NEMP2: variants seen among roughly 807,000 people sequenced by gnomAD.
NEMP2 encodes nuclear envelope integral membrane protein 2.
NEMP2 carries 53 observed loss-of-function variants against 54.2 expected under a neutral mutation model. That is an observed-to-expected ratio of 0.98 (90% CI 0.78 to 1.23). NEMP2 has a LOEUF of 1.23. Among genes scored for constraint, NEMP2 ranks in the 50% most tolerant of loss-of-function variants. The pLI, the probability that NEMP2 is intolerant of heterozygous loss-of-function variation, is 0.00. For synonymous variants in NEMP2, 197 were observed against 190.3 expected, an observed-to-expected ratio of 1.04 and a Z score of -0.29; for missense variants, 455 against 511.3, an observed-to-expected ratio of 0.89 and a Z score of 1.06.
the NEMP2 span, among the ~76,000 whole-genome samples, chr2:190,593,349 A>G: frequency 1.4e-4 from 22 of 152,320 alleles, no homozygotes; most frequent in East Asian, 3.3e-3. The surrounding 1 kb of genome is among the most constrained non-coding windows in gnomAD (Gnocchi z 4.5). Flanking sequence ...AAGGTGAGCA[A>G]TGGAGGCCAG....
the NEMP2 span, chr2:190,608,701 T>C: frequency 1.3e-5 from 2 of 152,162 alleles, no homozygotes; most frequent in South Asian, 4.1e-4. The surrounding 1 kb of genome is among the most constrained non-coding windows in gnomAD (Gnocchi z 4.9). Flanking sequence ...CTGAAAAATA[T>C]ATAAATTACT....
In NEMP2 at chr2:190,510,425, G is replaced by A. The variant is rs561864691; in HGVS notation, c.1066C>T (p.Arg356Trp). Residue 356 changes from arginine to tryptophan, a missense_variant, in exon 8 of 9, where the codon CGG becomes TGG. Transcript: ENST00000409150. The surrounding 1 kb of genome is among the most constrained non-coding windows in gnomAD (Gnocchi z 5.7). ...GGAAAGTCGGGTTTTCGGCAGGCCC[G>A]GCGTAGCTCCTCCAGAGCACTGTTC... ...ETNSALEELR[R>W]ACRKPDFPSW... 6.4e-5 allele frequency: 100 copies of A among 1,551,694 alleles called. No homozygotes were observed. The highest frequency in any genetic ancestry group is 9.5e-5 in the South Asian group (8 of 84,044).
At chr2:190,561,399 G>A in the NEMP2 span, among the ~76,000 whole-genome samples, 1 of 152,132 alleles carries the variant, frequency 6.6e-6, no homozygotes, top group East Asian at 1.9e-4. The surrounding 1 kb of genome is among the most constrained non-coding windows in gnomAD (Gnocchi z 5.4). Context: ...ACTTCCAGAG[G>A]CTAGAAGTCC....
the NEMP2 span, among the ~76,000 whole-genome samples, chr2:190,497,141 G>A: frequency 2.0e-5 from 3 of 152,026 alleles, no homozygotes; most frequent in Non-Finnish European, 2.9e-5. This position sits in a 1 kb window ranked among gnomAD's most constrained non-coding sequence, Gnocchi z 5.2. Context: ...ATGGGCCTAA[G>A]GCAACACTCA....
chr2:190,510,394 C>T lies in NEMP2; in HGVS notation c.1097G>A (p.Trp366Ter). The T allele has an allele frequency of 6.4e-7, 1 of 1,551,690 alleles. No homozygotes were observed. Among genetic ancestry groups the T allele is most frequent in the South Asian group, 1.2e-5 (1 of 84,070 alleles). Residue 366 changes from tryptophan (W) to a stop codon, truncating the protein, a stop_gained, in exon 8 of 9, where the codon TGG (tryptophan) becomes TAG (stop). Coordinates refer to ENST00000409150, the MANE Select transcript of NEMP2 (RefSeq NM_001142645.2). LOFTEE classifies it high-confidence loss of function. This position sits in a 1 kb window ranked among gnomAD's most constrained non-coding sequence, Gnocchi z 5.7. ...AGTGTGGAGTCTGGAGACGACCAGC[C>T]ATGAGGGAAAGTCGGGTTTTCGGCA... ...RACRKPDFPS[W>*]LVVSRLHTPS...
At chr2:190,435,777 G>C in the NEMP2 span, 1 of 420,532 alleles carries the variant, frequency 2.4e-6, no homozygotes, top group Non-Finnish European at 4.2e-6. Flanking sequence ...TAGTCAGTCA[G>C]TGGCCATAAA....
chr2:190,435,875 A>G, the NEMP2 span: 1 of 986,248 alleles, frequency 1.0e-6, no homozygotes, highest in African/African-American at 1.6e-5. Flanking sequence ...TCTTGCAATT[A>G]TTATTTTAGT....
At chr2:190,563,375 C>T in the NEMP2 span, among the ~76,000 whole-genome samples, 1 of 152,202 alleles carries the variant, frequency 6.6e-6, no homozygotes, top group Non-Finnish European at 1.5e-5. This position sits in a 1 kb window ranked among gnomAD's most constrained non-coding sequence, Gnocchi z 4.3. Context: ...CGTTTTCACA[C>T]TCCCACTGCT....
chr2:190,627,343 C>G, the NEMP2 span, among the ~76,000 whole-genome samples: 1 of 152,212 alleles, frequency 6.6e-6, no homozygotes, highest in East Asian at 1.9e-4. The surrounding 1 kb of genome is among the most constrained non-coding windows in gnomAD (Gnocchi z 4.4). Context: ...TTTTGTTGCA[C>G]AGATAATGTG....
chr2:190,475,417 A>G, the NEMP2 span, among the ~76,000 whole-genome samples: 10 of 152,252 alleles, frequency 6.6e-5, no homozygotes, highest in African/African-American at 1.7e-4. Flanking sequence ...CTTATATACC[A>G]GTAACAGCCA....
At chr2:190,627,979 G>C in the NEMP2 span, 1 of 152,376 alleles carries the variant, frequency 6.6e-6, no homozygotes, top group African/African-American at 2.4e-5. This position sits in a 1 kb window ranked among gnomAD's most constrained non-coding sequence, Gnocchi z 4.4. Flanking sequence ...CTCCTCCCGC[G>C]CCTACCGCGT....
the NEMP2 span, among the ~76,000 whole-genome samples, chr2:190,635,604 A>G: frequency 6.6e-6 from 1 of 152,246 alleles, no homozygotes; most frequent in South Asian, 2.1e-4. The surrounding 1 kb of genome is among the most constrained non-coding windows in gnomAD (Gnocchi z 4.1). Flanking sequence ...ATTCATTTTC[A>G]GAGCTATATT....
the NEMP2 span, among the ~76,000 whole-genome samples, chr2:190,560,068 A>T: frequency 6.6e-6 from 1 of 152,212 alleles, no homozygotes; most frequent in Non-Finnish European, 1.5e-5. This position sits in a 1 kb window ranked among gnomAD's most constrained non-coding sequence, Gnocchi z 5.4. Flanking sequence ...CTCAGGACAT[A>T]AAGCAGAAGA....
At chr2:190,469,013 T>C in the NEMP2 span, among the ~76,000 whole-genome samples, 3 of 152,162 alleles carry the variant, frequency 2.0e-5, no homozygotes, top group African/African-American at 7.2e-5. The surrounding 1 kb of genome is among the most constrained non-coding windows in gnomAD (Gnocchi z 5.3). Context: ...TGAAACCTTA[T>C]GCTTGGGTGC....
the NEMP2 span, among the ~76,000 whole-genome samples, chr2:190,583,206 C>G: frequency 4.7e-5 from 7 of 150,532 alleles, no homozygotes; most frequent in African/African-American, 1.5e-4. Context: ...GAGAGGGCAA[C>G]CTCTGTGATT....
the NEMP2 span, among the ~76,000 whole-genome samples, chr2:190,476,445 A>G: frequency 3.3e-5 from 5 of 152,246 alleles, no homozygotes; most frequent in African/African-American, 7.2e-5. Flanking sequence ...CAACAGACAC[A>G]TGAAAAAATG....
chr2:190,431,507 A>T, the NEMP2 span, among the ~76,000 whole-genome samples: 4 of 152,236 alleles, frequency 2.6e-5, no homozygotes, highest in Non-Finnish European at 4.4e-5. The surrounding 1 kb of genome is among the most constrained non-coding windows in gnomAD (Gnocchi z 4.4). Flanking sequence ...GCTGGAGACT[A>T]GCCCGGCCAA....
the NEMP2 span, among the ~76,000 whole-genome samples, chr2:190,430,390 AG>A: frequency 6.6e-6 from 1 of 151,040 alleles, no homozygotes; most frequent in Non-Finnish European, 1.5e-5. Flanking sequence ...ACTTGAGATT[AG>A]GGAGTGGTGA....
chr2:190,467,559 G>A, the NEMP2 span, among the ~76,000 whole-genome samples: 3 of 152,154 alleles, frequency 2.0e-5, no homozygotes, highest in African/African-American at 4.8e-5. The surrounding 1 kb of genome is among the most constrained non-coding windows in gnomAD (Gnocchi z 5.5). Context: ...GTTTCAGTGA[G>A]CCGAGATCGT....
Sources: allele counts gnomAD v4.1 joint callset (sites outside exome capture counted in the v4.1 genomes callset), GRCh38; gene constraint gnomAD v4.1.1; non-coding constraint Gnocchi (gnomAD v3.1); transcripts MANE v1.5; gene names NCBI Gene and HGNC (gene_info 2026-07-23, HGNC 2026-07-21).